The following MCTP1 variants were observed in gnomAD, a reference collection of about 807,000 sequenced individuals.
MCTP1 encodes the protein multiple C2 and transmembrane domain-containing protein 1.
Under a neutral mutation model 120.6 loss-of-function variants are expected in MCTP1, and 69 were observed. The ratio of observed to expected loss-of-function variants is 0.57; its 90% CI spans 0.47 to 0.70. The LOEUF (loss-of-function observed/expected upper bound fraction) is 0.70. MCTP1 is among the 30% of genes least tolerant of loss of function. The pLI, the probability that MCTP1 is intolerant of heterozygous loss-of-function variation, is 0.00. For synonymous variants in MCTP1, 529 were observed against 493.1 expected, an observed-to-expected ratio of 1.07 and a Z score of -0.96; for missense variants, 1,203 against 1,248.8, an observed-to-expected ratio of 0.96 and a Z score of 0.55.
chr5:94,885,315 A>G (rs561980491), intron 12 of MCTP1, among the ~76,000 whole-genome samples: 3 of 151,544 alleles, frequency 2.0e-5, no homozygotes, highest in Admixed American at 6.6e-5. Context: ...AAAAAAAAAA[A>G]CAGAGAGAAA....
intron 1 of MCTP1, among the ~76,000 whole-genome samples, chr5:95,125,617 C>T (rs1758564080): frequency 1.3e-5 from 2 of 152,184 alleles, no homozygotes; most frequent in African/African-American, 2.4e-5. Flanking sequence ...CTCATTACTA[C>T]CTGATTCTTT....
At chr5:94,797,772 T>C (rs1780398240) in intron 18 of MCTP1, among the ~76,000 whole-genome samples, 1 of 152,120 alleles carries the variant, frequency 6.6e-6, no homozygotes, top group Non-Finnish European at 1.5e-5. Flanking sequence ...ACATTTATAA[T>C]CTAGTAAGAG....
intron 1 of MCTP1, among the ~76,000 whole-genome samples, chr5:95,029,518 T>A (rs1326807341): frequency 1.3e-5 from 2 of 152,156 alleles, no homozygotes; most frequent in Non-Finnish European, 2.9e-5. Context: ...AGCCAGGACC[T>A]CTTGGAGAAT....
chr5:94,995,572 GAACA>G (rs1387586511), intron 2 of MCTP1, among the ~76,000 whole-genome samples: 1 of 152,138 alleles, frequency 6.6e-6, no homozygotes, highest in Admixed American at 6.6e-5. Flanking sequence ...TAAAAAGACA[GAACA>G]AACAATTGAG....
At chr5:95,272,014 T>C (rs1759445848) in intron 1 of MCTP1, among the ~76,000 whole-genome samples, 2 of 152,178 alleles carry the variant, frequency 1.3e-5, no homozygotes, top group Non-Finnish European at 2.9e-5. Context: ...TGTAATACTA[T>C]TACTTTATTA....
At chr5:94,987,614 A>G (rs1368855007) in intron 2 of MCTP1, among the ~76,000 whole-genome samples, 3 of 152,198 alleles carry the variant, frequency 2.0e-5, no homozygotes, top group Non-Finnish European at 4.4e-5. Context: ...GTAAAAGAGT[A>G]CAAAAGAGGA....
chr5:95,154,208 T>C (rs1422691136), intron 1 of MCTP1: 1 of 152,212 alleles, frequency 6.6e-6, no homozygotes, highest in African/African-American at 2.4e-5. Context: ...TTTCACACAC[T>C]GTTTCCTCTC....
intron 17 of MCTP1, among the ~76,000 whole-genome samples, chr5:94,835,945 A>G (rs1421723211): frequency 6.6e-6 from 1 of 152,200 alleles, no homozygotes; most frequent in Admixed American, 6.5e-5. Context: ...CAGAGATTGC[A>G]GTGAGCTGAG....
At chr5:94,794,717 T>C (rs554109298) in intron 18 of MCTP1, among the ~76,000 whole-genome samples, 1 of 152,368 alleles carries the variant, frequency 6.6e-6, no homozygotes, top group South Asian at 2.1e-4. Flanking sequence ...AAGGAGGTGA[T>C]GTCTCTAAAA....
At chr5:94,872,020 C>T (rs1368703053) in intron 13 of MCTP1, among the ~76,000 whole-genome samples, 1 of 151,944 alleles carries the variant, frequency 6.6e-6, no homozygotes, top group Non-Finnish European at 1.5e-5. Flanking sequence ...AGCAGGGTTC[C>T]ATTATGTTCC....
intron 1 of MCTP1, among the ~76,000 whole-genome samples, chr5:95,185,386 A>T (rs535622241): frequency 6.6e-6 from 1 of 152,330 alleles, no homozygotes; most frequent in Non-Finnish European, 1.5e-5. Context: ...TGGAAAATTG[A>T]TCAATGAAAT....
intron 17 of MCTP1, among the ~76,000 whole-genome samples, chr5:94,840,692 C>T (rs542351665): frequency 6.6e-6 from 1 of 152,290 alleles, no homozygotes; most frequent in African/African-American, 2.4e-5. Flanking sequence ...TTCAATCTCA[C>T]TGGCCTTAGT....
At chr5:94,756,040 G>A (rs1240667471) in intron 19 of MCTP1, among the ~76,000 whole-genome samples, 2 of 152,184 alleles carry the variant, frequency 1.3e-5, no homozygotes, top group Non-Finnish European at 2.9e-5. Context: ...ATGGCCGACA[G>A]TGATGCTGCT....
intron 19 of MCTP1, 29 bp downstream of exon 19, chr5:94,779,081 G>A: frequency 2.5e-6 from 4 of 1,597,548 alleles, no homozygotes; most frequent in Non-Finnish European, 3.4e-6. Context: ...CCCATCCCCA[G>A]GTACCCAAGT....
chr5:95,230,199 TATATACACACAC>T (rs1310249864), intron 1 of MCTP1, among the ~76,000 whole-genome samples: 4 of 108,324 alleles, frequency 3.7e-5, no homozygotes, highest in Admixed American at 8.5e-5. Context: ...TGTGTGTATA[TATATACACACAC>T]ATATACACAT....
intron 1 of MCTP1, among the ~76,000 whole-genome samples, chr5:95,230,194 GTA>G (rs750263116): frequency 1.8e-5 from 2 of 111,032 alleles, no homozygotes; most frequent in African/African-American, 3.2e-5. Context: ...ATGTGTGTGT[GTA>G]TATATATACA....
At chr5:94,813,757 G>A (rs1432191477) in intron 17 of MCTP1, among the ~76,000 whole-genome samples, 7 of 151,854 alleles carry the variant, frequency 4.6e-5, no homozygotes, top group African/African-American at 1.2e-4. Flanking sequence ...GAGGGGTGGC[G>A]CACACCTGTC....
chr5:94,920,272 G>GTTTT lies in MCTP1; in HGVS notation c.1273-2303_1273-2300dup, dbSNP rs5869657. Among the ~76,000 whole-genome samples the GTTTT allele has an allele frequency of 4.5e-4, 58 of 128,204 alleles. 2 individuals carry two copies. The highest frequency in any genetic ancestry group is 1.4e-3 in the African/African-American group (49 of 35,824). 84.1% of individuals were successfully genotyped at this position (128,204 alleles called of 152,430 possible). On this transcript the variant is annotated intron_variant, in intron 7 of 22. Coordinates refer to ENST00000515393, the MANE Select transcript of MCTP1 (RefSeq NM_024717.7). ...TCTTGGGCCTGCCTTACAGAGACCT[G>GTTTT]TTTTTTTTTTTTTTTTTTGAGACTG...
intron 1 of MCTP1, among the ~76,000 whole-genome samples, chr5:95,040,764 G>C (rs969930013): frequency 6.6e-6 from 1 of 152,148 alleles, no homozygotes; most frequent in African/African-American, 2.4e-5. Context: ...ACTGATTCAG[G>C]GTTGGGTATG....
Sources: allele counts gnomAD v4.1 joint callset (sites outside exome capture counted in the v4.1 genomes callset), GRCh38; gene constraint gnomAD v4.1.1; transcripts MANE v1.5; gene names NCBI Gene and HGNC (gene_info 2026-07-23, HGNC 2026-07-21).